MMP19: variants seen among roughly 807,000 people sequenced by gnomAD.
The protein encoded by MMP19 is matrix metalloproteinase-19.
A neutral mutation model predicts 46.6 loss-of-function variants in MMP19; 47 were observed. That is an observed-to-expected ratio of 1.01 (90% confidence interval 0.80 to 1.29). MMP19 has a LOEUF of 1.29. MMP19 is among the 50% of genes most tolerant of loss of function. The pLI, the probability that MMP19 is intolerant of heterozygous loss-of-function variation, is 0.00. For synonymous variants in MMP19, 222 were observed against 248.5 expected, an observed-to-expected ratio of 0.89 and a Z score of 1.00; for missense variants, 589 against 643.5, an observed-to-expected ratio of 0.92 and a Z score of 0.92.
At position 55,837,426 on chromosome 12, in the gene MMP19, ACCCCCAGGGGTCCAC is replaced by A. The variant is rs781707875; in HGVS notation, c.1189-67_1189-53del. ...GGAGAGGAAGAGGAGAGAGCTTAGG[ACCCCCAGGGGTCCAC>A]CCCCAGCCCACTGCAGCTGCAGAAC... On this transcript the variant is annotated intron_variant, in intron 8 of 8. Coordinates refer to ENST00000322569, the MANE Select transcript of MMP19 (RefSeq NM_002429.6). The A allele has an allele frequency of 1.5e-5, 23 of 1,575,220 alleles. No homozygotes were observed. In the African/African-American group the frequency reaches 3.0e-4, roughly 20 times the overall value.
intron 7 of MMP19, 53 bp downstream of exon 7, chr12:55,837,790 T>C (rs1357552498): frequency 6.3e-7 from 1 of 1,593,068 alleles, no homozygotes; most frequent in Admixed American, 1.7e-5. Context: ...CCTTTTATAG[T>C]TTCTTTAAGA....
chr12:55,839,986 C>T (rs1881567103), intron 4 of MMP19: 2 of 543,910 alleles, frequency 3.7e-6, no homozygotes, highest in East Asian at 3.1e-5. Flanking sequence ...CTCTCTGGCC[C>T]ATACCTCTAA....
At chr12:55,841,079 C>T (rs1881658810) in intron 3 of MMP19, 27 bp downstream of exon 3, 3 of 1,604,264 alleles carry the variant, frequency 1.9e-6, no homozygotes, top group African/African-American at 2.7e-5. Flanking sequence ...CCCTCCTCTC[C>T]CTCTCTTTTC....
In MMP19 at chr12:55,837,606, G is replaced by A; in HGVS notation, c.1137C>T (p.Asn379=). The A allele has an allele frequency of 6.2e-7, 1 of 1,614,192 alleles. No individual in the cohort carries two copies. Among genetic ancestry groups the A allele is most frequent in the Non-Finnish European group, 8.5e-7 (1 of 1,180,040 alleles). Reference sequence around the variant, plus strand: ...GAGGCCAATAGAGAGCTGCATCCAGGTTAGGTTCTACCCTATTCAGCTTCT... The same window carrying A: ...GAGGCCAATAGAGAGCTGCATCCAGATTAGGTTCTACCCTATTCAGCTTCT... ...FPKKLNRVEP[N]LDAALYWPLN... The change falls in exon 8 of 9, where the codon AAC becomes AAT. Residue 379 remains asparagine, a synonymous_variant. Coordinates refer to ENST00000322569, the MANE Select transcript of MMP19 (RefSeq NM_002429.6).
intron 5 of MMP19, 129 bp from the exon 6 acceptor site, chr12:55,838,863 T>C (rs11609152): frequency 1.4e-6 from 1 of 707,878 alleles, no homozygotes; most frequent in South Asian, 1.9e-5. Context: ...TTTTCATTTG[T>C]GGTAGGCAAT....
rs769870508 is a variant in MMP19 at position 55,837,861 on chromosome 12, A to G, written c.1042T>C (p.Trp348Arg). The part of the protein sequence containing the change: ...DAAVYSPRTQ[W>R]IHFFKGDKVW... ...TCCTTACCCTTAAAGAAGTGAATCC[A>G]TTGTGTTCGAGGCGAGTAGACAGCA... The change falls in exon 7 of 9, where the codon TGG becomes CGG. Residue 348 changes from tryptophan to arginine, a missense_variant. Transcript: ENST00000322569. The G allele has an allele frequency of 3.1e-6, 5 of 1,608,954 alleles. No individual in the cohort carries two copies. Among genetic ancestry groups the G allele is most frequent in the Admixed American group, 1.7e-5 (1 of 59,796 alleles).
At position 55,837,240 on chromosome 12, in the gene MMP19, G is replaced by A. The variant is rs374993340; in HGVS notation, c.1323C>T (p.Tyr441=). ...GCCAGTAGACTTTGCCCTTGAAGAA[G>A]TAGACTCGGCCATCTTGCCAACTCA... ...AAMSWQDGRV[Y]FFKGKVYWRL... The change falls in exon 9 of 9, where the codon TAC becomes TAT. Residue 441 remains tyrosine, a synonymous_variant. Coordinates refer to ENST00000322569, the MANE Select transcript of MMP19 (RefSeq NM_002429.6). The A allele has an allele frequency of 3.7e-6, 6 of 1,614,102 alleles. No individual in the cohort carries two copies. The African/African-American group carries it at 6.7e-5, about 18-fold the overall frequency.
Position 55,842,779 on chromosome 12 carries a change from C to A in MMP19, c.52G>T (p.Gly18Cys). Reference sequence around the variant, plus strand: ...ACCTCTGCAAGCCCCAGGACCCGGCCTGAGACTGTCATGGGGAGTAGGAAG... The same window carrying A: ...ACCTCTGCAAGCCCCAGGACCCGGCATGAGACTGTCATGGGGAGTAGGAAG... ...LGFLLPMTVS[G>C]RVLGLAEVAP... The change falls in exon 1 of 9, where the codon GGC becomes TGC. Residue 18 changes from glycine (G) to cysteine (C), a missense_variant. Transcript: ENST00000322569. 6.2e-7 allele frequency: 1 copy of A among 1,607,662 alleles called. No individual in the cohort carries two copies.
In MMP19 at chr12:55,835,806, C is replaced by T. The variant is rs558629158; in HGVS notation, c.*1230G>A. The T allele has an allele frequency of 2.0e-5, 3 of 151,940 alleles. No individual in the cohort carries two copies. The highest frequency in any genetic ancestry group is 1.9e-4 in the East Asian group (1 of 5,152). 9.4% of individuals were successfully genotyped at this position (151,940 alleles called of 1,614,324 possible). A position where few individuals can be genotyped will look rare whatever the true frequency, so the allele number is the denominator to read the frequency against. On this transcript the variant is annotated 3_prime_UTR_variant, in exon 9 of 9. Coordinates refer to ENST00000322569, the MANE Select transcript of MMP19 (RefSeq NM_002429.6). ...TAGGCTTAAACTACCCCCACCCCCA[C>T]CTCCGCCTCCTACCTCAGCTGGGAG...
At position 55,837,552 on chromosome 12, in the gene MMP19, T is replaced by C; in HGVS notation, c.1188+3A>G. ...GGATTTGCCCTTGCTTTGAACTTTA[T>C]ACCTTAAAGAGGAACACCTTTTGGT... On this transcript the variant is annotated splice_donor_region_variant and intron_variant, in intron 8 of 8. Coordinates refer to ENST00000322569, the MANE Select transcript of MMP19 (RefSeq NM_002429.6). 3.1e-6 allele frequency: 5 copies of C among 1,614,180 alleles called. No individual in the cohort carries two copies. Among genetic ancestry groups the C allele is most frequent in the Non-Finnish European group, 4.2e-6 (5 of 1,180,042 alleles).
rs200711563 is a variant in MMP19 at position 55,839,504 on chromosome 12, G to A, written c.758C>T (p.Ala253Val). ...TAGGGGGAGGGACTGACCATAGAGA[G>A]CCTGGATCCCTGCCACATCATCTGG... ...LHPDDVAGIQ[A>V]LYGKKSPVIR... The change falls in exon 5 of 9, where the codon GCT becomes GTT. Residue 253 changes from alanine to valine, a missense_variant. Transcript: ENST00000322569. 998 of 1,609,236 alleles carry A rather than the reference G, an allele frequency of 6.2e-4. 15 individuals are homozygous for A. The South Asian group carries it at 0.01, about 17-fold the overall frequency.
chr12:55,840,500 T>G (rs1435801910), intron 4 of MMP19, among the ~76,000 whole-genome samples, 167 bp downstream of exon 4: 3 of 151,862 alleles, frequency 2.0e-5, no homozygotes, highest in Non-Finnish European at 4.4e-5. Flanking sequence ...GGAGGCTCCA[T>G]GTAGATGACC....
rs1026922948 is a variant in MMP19, at chr12:55,838,739, A to T, written c.767-5T>A. ...TTATCACTGGACTCTTCTTGCCTAT[A>T]AGGTAAAGTAATGCTGCTTAGGGAG... On this transcript the variant is annotated splice_polypyrimidine_tract_variant and splice_region_variant and intron_variant, in intron 5 of 8. Transcript: ENST00000322569. The T allele has an allele frequency of 3.2e-6, 5 of 1,571,648 alleles. No homozygotes were observed. The highest frequency in any genetic ancestry group is 4.3e-6 in the Non-Finnish European group (5 of 1,156,412).
rs770147378 is a variant in MMP19 at position 55,842,743 on chromosome 12, C to A, written c.87+1G>T. On this transcript the variant is annotated splice_donor_variant, in intron 1 of 8. Coordinates refer to ENST00000322569, the MANE Select transcript of MMP19 (RefSeq NM_002429.6). LOFTEE classifies it high-confidence loss of function. ...CCAGGTCTCTTTCTTGGGGGACTTA[C>A]CACAGGCGCCACCTCTGCAAGCCCC... is the stretch of plus-strand genomic sequence containing the variant. 11 of 1,601,930 alleles carry A rather than the reference C, an allele frequency of 6.9e-6. No homozygotes were observed. The highest frequency in any genetic ancestry group is 2.2e-5 in the South Asian group (2 of 89,156).
Position 55,837,048 on chromosome 12 carries a change from C to T in MMP19, c.1515G>A (p.Thr505=), listed in dbSNP as rs202087575. 128 of 1,568,420 alleles carry T rather than the reference C, an allele frequency of 8.2e-5. No individual in the cohort carries two copies. Among genetic ancestry groups the T allele is most frequent in the Non-Finnish European group, 9.8e-5 (113 of 1,154,122 alleles). ...LDTTLSATET[T]FEY ...TGTGGGTGAGCAGTCAGTATTCAAA[C>T]GTGGTTTCTGTGGCTGAGAGAGTGG... The change falls in exon 9 of 9, where the codon ACG becomes ACA. Residue 505 remains threonine, a synonymous_variant. Coordinates refer to ENST00000322569, the MANE Select transcript of MMP19 (RefSeq NM_002429.6).
chr12:55,838,990 AG>A (rs1412332255), intron 5 of MMP19, among the ~76,000 whole-genome samples: 6 of 152,178 alleles, frequency 3.9e-5, no homozygotes, highest in Non-Finnish European at 8.8e-5. Context: ...CTATAATCCT[AG>A]GACTTTGGGA....
rs986565468 is a variant in MMP19 at position 55,840,971 on chromosome 12, G to A, written c.305-89C>T. On this transcript the variant is annotated intron_variant, in intron 3 of 8. Coordinates refer to ENST00000322569, the MANE Select transcript of MMP19 (RefSeq NM_002429.6). Reference sequence around the variant, plus strand: ...CTGGGTTTAGGCACTCAACCCCCAAGACAGGTGACAACCAGGTAATCACCA... The same window carrying A: ...CTGGGTTTAGGCACTCAACCCCCAAAACAGGTGACAACCAGGTAATCACCA... 5.2e-6 allele frequency: 8 copies of A among 1,533,668 alleles called. No homozygotes were observed. In the Middle Eastern group the frequency reaches 1.0e-3, roughly 191 times the overall value.
intron 7 of MMP19, 78 bp downstream of exon 7, chr12:55,837,765 C>T: frequency 6.3e-7 from 1 of 1,599,354 alleles, no homozygotes; most frequent in Non-Finnish European, 8.5e-7. Context: ...TATTCAGAAA[C>T]TTCTCATCTC....
chr12:55,840,013 G>A, intron 4 of MMP19: 1 of 405,876 alleles, frequency 2.5e-6, no homozygotes, highest in Admixed American at 4.0e-5. Context: ...CCTTGAACAG[G>A]GGAACTTAAG....
Sources: allele counts gnomAD v4.1 joint callset (sites outside exome capture counted in the v4.1 genomes callset), GRCh38; gene constraint gnomAD v4.1.1; transcripts MANE v1.5; gene names NCBI Gene and HGNC (gene_info 2026-07-23, HGNC 2026-07-21).